Variants in AIM2 observed in about 807,000 individuals in gnomAD.
The protein encoded by AIM2 is interferon-inducible protein AIM2.
AIM2 carries 30 observed loss-of-function variants against 27.7 expected under a neutral mutation model. The observed-to-expected ratio is 1.08, with a 90% CI of 0.81 to 1.47. The LOEUF (loss-of-function observed/expected upper bound fraction) is 1.47. Ranked by LOEUF, AIM2 falls within the 40% of genes most tolerant of loss-of-function variation. AIM2 has a pLI of 0.00. For synonymous variants in AIM2, 141 were observed against 145.3 expected (o/e 0.97, Z 0.21); for missense variants, 358 against 411.3 (o/e 0.87, Z 1.12).
chr1:159,086,703 C>A lies in AIM2; in HGVS notation c.-15-20374G>T, dbSNP rs547147384. Among the ~76,000 whole-genome samples, 12 of 152,306 alleles carry A rather than the reference C, an allele frequency of 7.9e-5. No individual in the cohort carries two copies. The East Asian group carries it at 2.3e-3, about 29-fold the overall frequency. ...AACTCACAGGCTTGGGCACTACACC[C>A]GTGCAAGTTAAAATCCCTGCTCCAC... On this transcript the variant is annotated intron_variant, in intron 1 of 2. Coordinates refer to the AIM2 transcript ENST00000368129.
intron 1 of AIM2, among the ~76,000 whole-genome samples, chr1:159,118,408 G>C (rs1375457332): frequency 6.6e-6 from 1 of 152,148 alleles, no homozygotes; most frequent in Non-Finnish European, 1.5e-5. Context: ...CTGAACAAAA[G>C]TCTTGATTAC....
chr1:159,090,925 A>G (rs1657028724), intron 1 of AIM2, among the ~76,000 whole-genome samples: 1 of 152,176 alleles, frequency 6.6e-6, no homozygotes, highest in Non-Finnish European at 1.5e-5. Context: ...TTCCACCTCA[A>G]ATGGCTCCCT....
chr1:159,138,313 T>A (rs961903746), intron 1 of AIM2, among the ~76,000 whole-genome samples: 1 of 152,244 alleles, frequency 6.6e-6, no homozygotes, highest in East Asian at 1.9e-4. Flanking sequence ...CATCAGAGTC[T>A]CTGCTCTTGC....
At chr1:159,124,504 T>G (rs544327904) in intron 1 of AIM2, among the ~76,000 whole-genome samples, 24 of 152,360 alleles carry the variant, frequency 1.6e-4, no homozygotes, top group African/African-American at 5.8e-4. Flanking sequence ...ATCTTTACTA[T>G]TCTTTGGAAT....
At chr1:159,118,336 T>C (rs1647438618) in intron 1 of AIM2, among the ~76,000 whole-genome samples, 1 of 152,210 alleles carries the variant, frequency 6.6e-6, no homozygotes, top group Non-Finnish European at 1.5e-5. Context: ...ACTTTCCTGA[T>C]TTGCTGTACA....
intron 1 of AIM2, among the ~76,000 whole-genome samples, chr1:159,113,712 C>T (rs568921225): frequency 6.6e-6 from 1 of 152,200 alleles, no homozygotes; most frequent in Non-Finnish European, 1.5e-5. Context: ...ACAGGCCTTA[C>T]CTCACTGGAA....
chr1:159,062,932 G>T (rs554797750), intron 5 of AIM2, among the ~76,000 whole-genome samples: 1 of 152,230 alleles, frequency 6.6e-6, no homozygotes, highest in Non-Finnish European at 1.5e-5. Context: ...GGTCACATAC[G>T]CATATTTCTC....
chr1:159,112,575 T>C (rs553960682), intron 1 of AIM2, among the ~76,000 whole-genome samples: 6 of 152,198 alleles, frequency 3.9e-5, no homozygotes, highest in Non-Finnish European at 7.3e-5. Flanking sequence ...ACAACTTTGA[T>C]CTGACGGAAT....
chr1:159,128,842 A>G (rs1240515873), intron 1 of AIM2, among the ~76,000 whole-genome samples: 1 of 151,938 alleles, frequency 6.6e-6, no homozygotes, highest in Non-Finnish European at 1.5e-5. Context: ...AGATTTCTTC[A>G]CTCCCCTTAT....
At chr1:159,085,712 G>A (rs1162059494) in intron 1 of AIM2, among the ~76,000 whole-genome samples, 4 of 152,212 alleles carry the variant, frequency 2.6e-5, no homozygotes, top group East Asian at 1.9e-4. Context: ...TCCAAGCCAC[G>A]TAGAGCTCAG....
intron 1 of AIM2, among the ~76,000 whole-genome samples, chr1:159,098,388 T>C (rs923114973): frequency 5.9e-5 from 9 of 151,968 alleles, no homozygotes; most frequent in Admixed American, 4.6e-4. Context: ...CGTATATGAC[T>C]ATTTCAGCTC....
intron 1 of AIM2, among the ~76,000 whole-genome samples, chr1:159,127,121 G>A (rs926540074): frequency 6.6e-6 from 1 of 152,216 alleles, no homozygotes; most frequent in African/African-American, 2.4e-5. Context: ...CCTAGGGACT[G>A]AGAAAGAATG....
At chr1:159,146,410 G>A (rs2102064002) in intron 1 of AIM2, among the ~76,000 whole-genome samples, 1 of 152,112 alleles carries the variant, frequency 6.6e-6, no homozygotes, top group South Asian at 2.1e-4. Context: ...TCCCAGTCCT[G>A]TCTTCTTACA....
chr1:159,095,778 T>C (rs936521375), intron 1 of AIM2, among the ~76,000 whole-genome samples: 2 of 152,336 alleles, frequency 1.3e-5, no homozygotes, highest in African/African-American at 4.8e-5. Flanking sequence ...ATACATTGTA[T>C]ATTATCAAGA....
At chr1:159,139,240 T>G (rs867961343) in intron 1 of AIM2, among the ~76,000 whole-genome samples, 2 of 152,228 alleles carry the variant, frequency 1.3e-5, no homozygotes, top group Non-Finnish European at 2.9e-5. Flanking sequence ...AGGGACCACA[T>G]GCTCTCTGAA....
At chr1:159,118,110 T>C (rs1484983023) in intron 1 of AIM2, among the ~76,000 whole-genome samples, 2 of 152,156 alleles carry the variant, frequency 1.3e-5, no homozygotes, top group East Asian at 1.9e-4. Flanking sequence ...TCCCCCAACA[T>C]CCAGGCCATA....
intron 1 of AIM2, among the ~76,000 whole-genome samples, chr1:159,095,058 G>A (rs931994352): frequency 2.0e-5 from 3 of 151,978 alleles, no homozygotes; most frequent in Admixed American, 1.3e-4. Context: ...AGCAGACAAA[G>A]AACAACACTC....
chr1:159,072,658 G>C (rs1181980250), intron 2 of AIM2, among the ~76,000 whole-genome samples: 6 of 152,192 alleles, frequency 3.9e-5, no homozygotes, highest in Admixed American at 1.3e-4. Context: ...ACTGTCACCT[G>C]TACTGGAGAT....
intron 1 of AIM2, among the ~76,000 whole-genome samples, chr1:159,127,012 C>T (rs1472024556): frequency 6.6e-6 from 1 of 152,088 alleles, no homozygotes; most frequent in Admixed American, 6.5e-5. Flanking sequence ...TTTCCACTTA[C>T]ATAAAGTTTA....
Sources: gnomAD v4.1 joint callset for allele counts (sites outside exome capture counted in the v4.1 genomes callset) on GRCh38, gnomAD v4.1.1 for gene constraint, MANE v1.5 for transcripts, NCBI Gene and HGNC (gene_info 2026-07-23, HGNC 2026-07-21) for gene names.